The following SERGEF variants were observed in gnomAD, a reference collection of about 807,000 sequenced individuals.
SERGEF encodes the protein secretion regulating guanine nucleotide exchange factor.
A neutral mutation model predicts 50.0 loss-of-function variants in SERGEF; 51 were observed. That is an observed-to-expected ratio of 1.02 (90% CI 0.81 to 1.29). The LOEUF (loss-of-function observed/expected upper bound fraction) is 1.29. Among genes scored for constraint, SERGEF ranks in the 50% most tolerant of loss-of-function variants. The pLI, the probability that SERGEF is intolerant of heterozygous loss-of-function variation, is 0.00. For missense variants in SERGEF, 521 were observed against 557.0 expected, an observed-to-expected ratio of 0.94 and a Z score of 0.65; for synonymous variants, 205 against 212.4, an observed-to-expected ratio of 0.97 and a Z score of 0.30.
intron 9 of SERGEF, among the ~76,000 whole-genome samples, chr11:17,938,424 G>A (rs1230504872): frequency 6.6e-6 from 1 of 152,188 alleles, no homozygotes; most frequent in African/African-American, 2.4e-5. Flanking sequence ...GTGACTTGCT[G>A]AAAGCCATAC....
chr11:17,984,082 G>A (rs955447285), intron 8 of SERGEF, among the ~76,000 whole-genome samples: 1 of 152,176 alleles, frequency 6.6e-6, no homozygotes, highest in Admixed American at 6.5e-5. Flanking sequence ...TTCATCATAA[G>A]AGCAATGGGA....
intron 9 of SERGEF, among the ~76,000 whole-genome samples, chr11:17,927,120 A>G (rs951194583): frequency 2.0e-5 from 3 of 152,138 alleles, no homozygotes; most frequent in African/African-American, 7.2e-5. Flanking sequence ...TGCTAAGCAA[A>G]TTCTGAAGTC....
At chr11:17,978,756 A>G (rs1343350438) in intron 8 of SERGEF, among the ~76,000 whole-genome samples, 1 of 152,136 alleles carries the variant, frequency 6.6e-6, no homozygotes, top group Non-Finnish European at 1.5e-5. Context: ...TCTCCCATCC[A>G]TACAAAAACA....
At chr11:18,001,293 A>G (rs1853955591) in intron 4 of SERGEF, among the ~76,000 whole-genome samples, 1 of 152,074 alleles carries the variant, frequency 6.6e-6, no homozygotes, top group South Asian at 2.1e-4. Flanking sequence ...GGAGCTTAAT[A>G]CCCCTCCCCT....
intron 9 of SERGEF, among the ~76,000 whole-genome samples, chr11:17,914,654 C>A (rs1408329655): frequency 2.6e-5 from 4 of 152,104 alleles, no homozygotes; most frequent in Non-Finnish European, 4.4e-5. Context: ...TTCTAATATG[C>A]AACCATAGTT....
At position 17,828,999 on chromosome 11, in the gene SERGEF, C is replaced by T. The variant is rs72872395; in HGVS notation, c.1049-40586G>A. Among the ~76,000 whole-genome samples the T allele has an allele frequency of 4.4e-3, 673 of 152,330 alleles. 3 individuals are homozygous for T. The highest frequency in any genetic ancestry group is 5.6e-3 in the Non-Finnish European group (379 of 68,032). On this transcript the variant is annotated intron_variant, in intron 10 of 10. Coordinates refer to ENST00000265965, the MANE Select transcript of SERGEF (RefSeq NM_012139.4). Reference sequence around the variant, plus strand: ...AACTCTTCTAGTCCCTTGCAACTCCCAAGAAGATACATTTATACTTTGAAA... The same window carrying T: ...AACTCTTCTAGTCCCTTGCAACTCCTAAGAAGATACATTTATACTTTGAAA...
intron 1 of SERGEF, 135 bp from the exon 2 acceptor site, chr11:18,008,211 T>C: frequency 1.1e-6 from 1 of 884,300 alleles, no homozygotes; most frequent in South Asian, 2.8e-5. Flanking sequence ...GCTCATTCTT[T>C]TTTAAAAAAA....
intron 9 of SERGEF, among the ~76,000 whole-genome samples, chr11:17,921,621 GA>G (rs1213330010): frequency 6.6e-6 from 1 of 152,194 alleles, no homozygotes; most frequent in Non-Finnish European, 1.5e-5. Context: ...TGAGTGCTAA[GA>G]GAAACATAGA....
chr11:17,846,564 G>A (rs1850614795), intron 10 of SERGEF: 1 of 392,866 alleles, frequency 2.5e-6, no homozygotes, highest in South Asian at 1.9e-5. Flanking sequence ...GGCAGAGGCA[G>A]AATGGTAATT....
At chr11:18,002,003 G>A in intron 4 of SERGEF, 1 of 456,266 alleles carries the variant, frequency 2.2e-6, no homozygotes. Flanking sequence ...CCCAGATGCA[G>A]GCTGAACAGC....
At chr11:17,804,273 G>A (rs1025954025) in intron 10 of SERGEF, among the ~76,000 whole-genome samples, 3 of 152,156 alleles carry the variant, frequency 2.0e-5, no homozygotes, top group Non-Finnish European at 2.9e-5. Flanking sequence ...AGTTAGACTC[G>A]CTAAATTGTT....
intron 9 of SERGEF, among the ~76,000 whole-genome samples, chr11:17,936,076 C>G (rs1382385562): frequency 6.6e-6 from 1 of 152,186 alleles, no homozygotes; most frequent in Admixed American, 6.5e-5. Context: ...TCCCAGGACT[C>G]TATCTATTCT....
intron 10 of SERGEF, among the ~76,000 whole-genome samples, chr11:17,812,556 G>A (rs970710151): frequency 6.6e-6 from 1 of 152,164 alleles, no homozygotes; most frequent in African/African-American, 2.4e-5. Flanking sequence ...TGGCACAGGG[G>A]CCAAGCAGGA....
At chr11:17,857,455 C>G (rs1305866458) in intron 10 of SERGEF, among the ~76,000 whole-genome samples, 2 of 152,190 alleles carry the variant, frequency 1.3e-5, no homozygotes, top group Non-Finnish European at 2.9e-5. Flanking sequence ...TCTTCTTTGG[C>G]TACCCTCGCC....
intron 8 of SERGEF, among the ~76,000 whole-genome samples, chr11:17,969,094 T>C (rs1194564996): frequency 6.6e-6 from 1 of 152,174 alleles, no homozygotes; most frequent in Non-Finnish European, 1.5e-5. Context: ...GTTAATAACA[T>C]TATGACTATC....
intron 8 of SERGEF, among the ~76,000 whole-genome samples, chr11:17,963,466 T>C (rs1853058929): frequency 6.7e-6 from 1 of 149,698 alleles, no homozygotes; most frequent in Non-Finnish European, 1.5e-5. Context: ...TGGCTCACTG[T>C]AACCTCCACC....
At chr11:17,852,247 T>C (rs970854591) in intron 10 of SERGEF, among the ~76,000 whole-genome samples, 2 of 152,222 alleles carry the variant, frequency 1.3e-5, no homozygotes, top group Admixed American at 6.5e-5. Context: ...ATACTGGGAA[T>C]TGAATGAACT....
At chr11:17,794,693 G>A (rs1222245015) in intron 10 of SERGEF, among the ~76,000 whole-genome samples, 1 of 152,204 alleles carries the variant, frequency 6.6e-6, no homozygotes, top group African/African-American at 2.4e-5. Context: ...TCCCCATTTT[G>A]CAGAGAGATG....
At chr11:17,904,835 C>T (rs993484106) in intron 9 of SERGEF, among the ~76,000 whole-genome samples, 1 of 152,220 alleles carries the variant, frequency 6.6e-6, no homozygotes, top group Non-Finnish European at 1.5e-5. Context: ...ACAGAAACTT[C>T]TGCTTGAGAA....
Sources: allele counts gnomAD v4.1 joint callset (sites outside exome capture counted in the v4.1 genomes callset), GRCh38; gene constraint gnomAD v4.1.1; transcripts MANE v1.5; gene names NCBI Gene and HGNC (gene_info 2026-07-23, HGNC 2026-07-21).